The following RPRD1A variants were observed in gnomAD, a reference collection of about 807,000 sequenced individuals.
RPRD1A encodes the protein regulation of nuclear pre-mRNA domain-containing protein 1A.
Under a neutral mutation model 37.8 loss-of-function variants are expected in RPRD1A, and 9 were observed. That is an observed-to-expected ratio of 0.24 (90% CI 0.14 to 0.42). The LOEUF (loss-of-function observed/expected upper bound fraction) is 0.42, where lower values mean the gene tolerates loss of function less well. RPRD1A is among the 10% of genes least tolerant of loss of function. RPRD1A has a pLI of 1.00. For synonymous variants in RPRD1A, 138 were observed against 139.7 expected, an observed-to-expected ratio of 0.99 and a Z score of 0.08; for missense variants, 255 against 371.0, an observed-to-expected ratio of 0.69 and a Z score of 2.57.
intron 6 of RPRD1A, among the ~76,000 whole-genome samples, chr18:36,022,478 G>A (rs145646076): frequency 6.6e-6 from 1 of 152,346 alleles, no homozygotes; most frequent in East Asian, 1.9e-4. Flanking sequence ...GCCCTCATTA[G>A]GAGCTAAAGT....
chr18:35,997,961 A>G (rs1909184060), intron 6 of RPRD1A, among the ~76,000 whole-genome samples: 1 of 152,222 alleles, frequency 6.6e-6, no homozygotes, highest in Non-Finnish European at 1.5e-5. Flanking sequence ...TATTTACATA[A>G]TATTTAAATC....
intron 1 of RPRD1A, among the ~76,000 whole-genome samples, chr18:36,050,711 A>G (rs905628811): frequency 1.4e-5 from 2 of 143,260 alleles, no homozygotes; most frequent in Non-Finnish European, 3.1e-5. Context: ...TAATTTTTGT[A>G]TTTTTTTTTT....
At chr18:36,024,758 T>C (rs551533927) in intron 6 of RPRD1A, 2 of 152,342 alleles carry the variant, frequency 1.3e-5, no homozygotes, top group African/African-American at 2.4e-5. Context: ...AAAACATAAA[T>C]CTTCACCTCT....
At chr18:36,059,901 C>G (rs1024656978) in intron 1 of RPRD1A, among the ~76,000 whole-genome samples, 1 of 152,114 alleles carries the variant, frequency 6.6e-6, no homozygotes, top group Non-Finnish European at 1.5e-5. Context: ...AAGACTATAA[C>G]TATTGAAGCT....
intron 6 of RPRD1A, chr18:36,026,288 C>T (rs1373119187): frequency 6.6e-6 from 1 of 152,160 alleles, no homozygotes. Context: ...TTACATAAAA[C>T]CAAATCTGGC....
chr18:36,045,154 C>T (rs1318317065), intron 1 of RPRD1A, among the ~76,000 whole-genome samples: 1 of 152,032 alleles, frequency 6.6e-6, no homozygotes, highest in East Asian at 1.9e-4. Flanking sequence ...GCATGAGAAT[C>T]ACTTGAACCT....
chr18:36,063,052 T>C (rs554072100), intron 1 of RPRD1A: 2 of 152,150 alleles, frequency 1.3e-5, no homozygotes, highest in African/African-American at 4.8e-5. Context: ...CCTTGAAGTT[T>C]ATCCCTCCAA....
chr18:36,035,794 TGGATGAATCTCCAGGACATCATGCCA>T (rs1912149417), intron 1 of RPRD1A, among the ~76,000 whole-genome samples: 1 of 152,200 alleles, frequency 6.6e-6, no homozygotes, highest in South Asian at 2.1e-4. Flanking sequence ...TGTTACAACA[TGGATGAATCTCCAGGACATCATGCCA>T]GGTGAAATAA....
chr18:36,051,566 C>T (rs2144380233), intron 1 of RPRD1A, among the ~76,000 whole-genome samples: 1 of 152,270 alleles, frequency 6.6e-6, no homozygotes, highest in Admixed American at 6.5e-5. Context: ...TCAGATTCTA[C>T]ACACTTTCCA....
intron 4 of RPRD1A, among the ~76,000 whole-genome samples, chr18:36,030,066 A>G (rs967483893): frequency 6.6e-6 from 1 of 150,658 alleles, no homozygotes; most frequent in African/African-American, 2.4e-5. Flanking sequence ...TTGGCCTCCC[A>G]AAGTGCTGGG....
chr18:36,066,259 AACATTTTGGCTC>A (rs1475735942), intron 1 of RPRD1A, among the ~76,000 whole-genome samples: 2 of 152,250 alleles, frequency 1.3e-5, no homozygotes, highest in African/African-American at 4.8e-5. Flanking sequence ...ATATACAGCC[AACATTTTGGCTC>A]ACATTTTGGC....
At chr18:35,995,647 T>C (rs1231935122) in intron 6 of RPRD1A, among the ~76,000 whole-genome samples, 1 of 152,200 alleles carries the variant, frequency 6.6e-6, no homozygotes, top group African/African-American at 2.4e-5. Flanking sequence ...CCTACAGCAT[T>C]TCATATCTGA....
intron 1 of RPRD1A, among the ~76,000 whole-genome samples, chr18:36,046,070 A>G (rs1462633883): frequency 6.6e-6 from 1 of 152,228 alleles, no homozygotes; most frequent in Non-Finnish European, 1.5e-5. Context: ...TGATTATATT[A>G]AAATTTTAAT....
intron 1 of RPRD1A, among the ~76,000 whole-genome samples, chr18:36,045,706 T>C (rs997245408): frequency 3.9e-5 from 6 of 152,226 alleles, no homozygotes; most frequent in Middle Eastern, 3.2e-3. Context: ...GTAACTATTA[T>C]TAGTGAATAA....
rs1050719534 is a variant in RPRD1A, at chr18:35,990,646, A to G, written c.*2505T>C. The stretch of plus-strand genomic sequence containing the variant: ...CATCCATTCAAACCATAGCAGCCCT[A>G]CGGCACCATGCTTTTCTCTTGAGGG... On this transcript the variant is annotated 3_prime_UTR_variant, in exon 7 of 7. Transcript: ENST00000399022. 2.0e-5 allele frequency: 3 copies of G among 152,182 alleles called. No homozygotes were observed. Among genetic ancestry groups the G allele is most frequent in the African/African-American group, 7.2e-5 (3 of 41,438 alleles). The allele number at this position is 152,182 out of a possible 1,614,324, so 9.4% of individuals were successfully genotyped here.
At chr18:36,022,468 GCCCT>G (rs1466295133) in intron 6 of RPRD1A, among the ~76,000 whole-genome samples, 1 of 152,186 alleles carries the variant, frequency 6.6e-6, no homozygotes, top group Admixed American at 6.5e-5. Context: ...AAACAAGCTG[GCCCT>G]CATTAGGAGC....
rs1913682556 is a variant in RPRD1A, at chr18:36,055,293, G to C, written c.151+11961C>G. 5.3e-5 allele frequency among the ~76,000 whole-genome samples: 8 copies of C among 152,332 alleles called. No homozygotes were observed. The South Asian group carries it at 1.7e-3, about 32-fold the overall frequency. On this transcript the variant is annotated intron_variant, in intron 1 of 6. Coordinates refer to ENST00000399022, the MANE Select transcript of RPRD1A (RefSeq NM_018170.5). ...GATGTTCCTTTAACTGGACCAAAGTGTGCCATCACAAAAATCAATCAATAC... is the reference window on the plus strand; with the variant it reads ...GATGTTCCTTTAACTGGACCAAAGTCTGCCATCACAAAAATCAATCAATAC...
chr18:36,021,282 G>C (rs1910977233), intron 6 of RPRD1A, among the ~76,000 whole-genome samples: 1 of 152,154 alleles, frequency 6.6e-6, no homozygotes, highest in Non-Finnish European at 1.5e-5. Flanking sequence ...AACAAGTCTA[G>C]AGGTACCATT....
At chr18:36,018,399 G>T (rs1045887539) in intron 6 of RPRD1A, among the ~76,000 whole-genome samples, 1 of 151,346 alleles carries the variant, frequency 6.6e-6, no homozygotes, top group Non-Finnish European at 1.5e-5. Context: ...TCACACTCCC[G>T]AGTGGCTGGG....
Sources: allele counts gnomAD v4.1 joint callset (sites outside exome capture counted in the v4.1 genomes callset), GRCh38; gene constraint gnomAD v4.1.1; transcripts MANE v1.5; gene names NCBI Gene and HGNC (gene_info 2026-07-23, HGNC 2026-07-21).